Variants in GSG1L observed in about 807,000 individuals in gnomAD.
GSG1L encodes GSG1 like.
A neutral mutation model predicts 42.1 loss-of-function variants in GSG1L; 24 were observed. That is an observed-to-expected ratio of 0.57 (90% CI 0.41 to 0.80). GSG1L has a LOEUF of 0.80. GSG1L is among the 30% of genes least tolerant of loss of function. GSG1L has a pLI of 0.00. For missense variants in GSG1L, 445 were observed against 472.2 expected (o/e 0.94, Z 0.53); for synonymous variants, 215 against 203.5 (o/e 1.06, Z -0.48).
chr16:27,820,935 G>A (rs937776060), intron 5 of GSG1L, among the ~76,000 whole-genome samples: 35 of 152,154 alleles, frequency 2.3e-4, no homozygotes, highest in African/African-American at 7.5e-4. Flanking sequence ...AATGTGCTTC[G>A]TGTGTCGGCC....
chr16:27,902,484 T>G (rs2084271164), intron 2 of GSG1L, among the ~76,000 whole-genome samples: 1 of 147,898 alleles, frequency 6.8e-6, no homozygotes, highest in South Asian at 2.2e-4. Context: ...AAGGAGGGGG[T>G]GGTGAGGCTG....
At chr16:27,850,643 G>A in intron 3 of GSG1L, 1 of 453,602 alleles carries the variant, frequency 2.2e-6, no homozygotes, top group South Asian at 1.6e-5. Flanking sequence ...GTTTAGAAGA[G>A]GAGGAGGGTA....
intron 6 of GSG1L, among the ~76,000 whole-genome samples, chr16:27,803,140 C>G (rs923853916): frequency 6.6e-6 from 1 of 152,010 alleles, no homozygotes; most frequent in Admixed American, 6.6e-5. Context: ...TGTGCATATC[C>G]TAGGTCCCTC....
intron 1 of GSG1L, among the ~76,000 whole-genome samples, chr16:28,050,072 G>A (rs2086205349): frequency 6.6e-6 from 1 of 152,176 alleles, no homozygotes; most frequent in South Asian, 2.1e-4. Context: ...GGACAGAATA[G>A]GTGTTTAATA....
At chr16:27,843,699 A>G (rs2140982369) in intron 4 of GSG1L, among the ~76,000 whole-genome samples, 1 of 152,250 alleles carries the variant, frequency 6.6e-6, no homozygotes, top group Middle Eastern at 3.4e-3. Context: ...CTGTGTCTGA[A>G]GCAGACTTTG....
intron 2 of GSG1L, among the ~76,000 whole-genome samples, chr16:27,899,683 C>T (rs1208403817): frequency 1.3e-5 from 2 of 152,122 alleles, no homozygotes; most frequent in African/African-American, 4.8e-5. Context: ...TACCACTGCA[C>T]TCCAGCCAGG....
At position 27,865,546 on chromosome 16, in the gene GSG1L, TATATATATATATATATATATATATATAC is replaced by T. The variant is rs1172080913; in HGVS notation, c.550+18912_550+18939del. 1.5e-3 allele frequency among the ~76,000 whole-genome samples: 29 copies of T among 19,210 alleles called. 1 individual carries two copies. Among genetic ancestry groups the T allele is most frequent in the South Asian group, 2.1e-3 (1 of 486 alleles). 12.6% of individuals were successfully genotyped at this position (19,210 alleles called of 152,430 possible). On this transcript the variant is annotated intron_variant, in intron 3 of 6. Coordinates refer to ENST00000447459, the MANE Select transcript of GSG1L (RefSeq NM_001109763.2). The stretch of plus-strand genomic sequence containing the variant: ...TTCTATATATATATATATATATATA[TATATATATATATATATATATATATATAC>T]ACACACACATACATACATACACACA...
At chr16:27,812,825 C>G (rs960800245) in intron 5 of GSG1L, among the ~76,000 whole-genome samples, 7 of 152,072 alleles carry the variant, frequency 4.6e-5, no homozygotes, top group Non-Finnish European at 8.8e-5. Context: ...GTCTTACTCT[C>G]TCACCCAGGC....
At chr16:27,922,475 C>T (rs180701554) in intron 2 of GSG1L, among the ~76,000 whole-genome samples, 3 of 152,284 alleles carry the variant, frequency 2.0e-5, no homozygotes, top group Admixed American at 6.5e-5. Context: ...CACCCCCGAC[C>T]CGATCGATAG....
intron 5 of GSG1L, among the ~76,000 whole-genome samples, chr16:27,825,654 G>C (rs181721003): frequency 6.6e-6 from 1 of 152,268 alleles, no homozygotes; most frequent in East Asian, 1.9e-4. Context: ...ATATGGTTTA[G>C]CTGTGTCCAC....
intron 5 of GSG1L, among the ~76,000 whole-genome samples, chr16:27,825,071 C>G (rs892679667): frequency 6.6e-6 from 1 of 152,162 alleles, no homozygotes; most frequent in South Asian, 2.1e-4. Context: ...TGACCTACAC[C>G]GAGCAATCAC....
intron 4 of GSG1L, among the ~76,000 whole-genome samples, chr16:27,842,488 A>G (rs1239750877): frequency 6.6e-6 from 1 of 152,162 alleles, no homozygotes; most frequent in Non-Finnish European, 1.5e-5. Flanking sequence ...CAGTAAATCT[A>G]AGATATTATT....
chr16:27,874,796 T>C (rs1452873127), intron 3 of GSG1L, among the ~76,000 whole-genome samples: 2 of 152,298 alleles, frequency 1.3e-5, no homozygotes, highest in East Asian at 3.9e-4. Flanking sequence ...TTAAGTAGAG[T>C]GACTTCTGAA....
chr16:27,986,948 G>C (rs2085391703), intron 1 of GSG1L, among the ~76,000 whole-genome samples: 2 of 152,258 alleles, frequency 1.3e-5, no homozygotes, highest in Non-Finnish European at 2.9e-5. Flanking sequence ...CAGGCACAGT[G>C]GCTCACGCCT....
chr16:27,833,805 C>T (rs1385939351), intron 4 of GSG1L, among the ~76,000 whole-genome samples: 2 of 152,122 alleles, frequency 1.3e-5, no homozygotes, highest in African/African-American at 4.8e-5. Context: ...TAAGACAACA[C>T]TAAACTTATT....
chr16:27,855,679 C>A (rs977228640), intron 3 of GSG1L, among the ~76,000 whole-genome samples: 16 of 142,676 alleles, frequency 1.1e-4, no homozygotes, highest in Admixed American at 6.5e-4. Flanking sequence ...AAGATTGTGT[C>A]ACTGTACTCC....
intron 3 of GSG1L, among the ~76,000 whole-genome samples, chr16:27,867,967 C>T (rs976052057): frequency 6.6e-6 from 1 of 152,270 alleles, no homozygotes. Flanking sequence ...ACTCACTCCA[C>T]TAAGTCCCTT....
intron 2 of GSG1L, among the ~76,000 whole-genome samples, chr16:27,959,442 T>C (rs962118402): frequency 7.4e-6 from 1 of 135,112 alleles, no homozygotes; most frequent in Non-Finnish European, 1.5e-5. Context: ...CACTCCAGCC[T>C]GGGCAACAGA....
At chr16:27,941,132 A>C (rs2084788562) in intron 2 of GSG1L, among the ~76,000 whole-genome samples, 1 of 152,174 alleles carries the variant, frequency 6.6e-6, no homozygotes, top group South Asian at 2.1e-4. Context: ...CACAGGCATC[A>C]AAGGAAAAAA....
Sources: gnomAD v4.1 joint callset for allele counts (sites outside exome capture counted in the v4.1 genomes callset) on GRCh38, gnomAD v4.1.1 for gene constraint, MANE v1.5 for transcripts, NCBI Gene and HGNC (gene_info 2026-07-23, HGNC 2026-07-21) for gene names.